RASGRF1: variants seen among roughly 807,000 people sequenced by gnomAD.
RASGRF1 encodes ras-specific guanine nucleotide-releasing factor 1.
In RASGRF1, 40 loss-of-function variants were observed where a neutral mutation model predicts 138.7. That is an observed-to-expected ratio of 0.29 (90% confidence interval 0.22 to 0.38). RASGRF1 has a LOEUF of 0.38. Ranked by LOEUF, RASGRF1 falls within the 10% of genes least tolerant of loss-of-function variation. RASGRF1 has a pLI of 1.00. For missense variants in RASGRF1, 1,108 were observed against 1,650.4 expected, an observed-to-expected ratio of 0.67 and a Z score of 5.69; for synonymous variants, 614 against 663.2, an observed-to-expected ratio of 0.93 and a Z score of 1.14.
At chr15:79,070,051 G>C (rs1322397801) in intron 1 of RASGRF1, among the ~76,000 whole-genome samples, 1 of 152,204 alleles carries the variant, frequency 6.6e-6, no homozygotes, top group Admixed American at 6.5e-5. Context: ...GAGGTCCATG[G>C]ATGGTGGCAG....
At chr15:79,031,971 C>A (rs2057145542) in intron 7 of RASGRF1, 152 bp downstream of exon 7, 3 of 970,562 alleles carry the variant, frequency 3.1e-6, no homozygotes, top group Non-Finnish European at 4.5e-6. Flanking sequence ...GCCCTGCACC[C>A]AGCATTGTCG....
intron 13 of RASGRF1, chr15:79,012,558 A>C: frequency 1.2e-6 from 2 of 1,614,052 alleles, no homozygotes; most frequent in Non-Finnish European, 1.7e-6. Flanking sequence ...TAGATTGGTA[A>C]GCAGATGGGT....
intron 2 of RASGRF1, among the ~76,000 whole-genome samples, chr15:79,062,528 T>C (rs1370301239): frequency 6.6e-6 from 1 of 152,000 alleles, no homozygotes; most frequent in Non-Finnish European, 1.5e-5. Flanking sequence ...CTTTCTGTCT[T>C]TTATTTTTAT....
At chr15:79,016,671 T>C (rs1337262823) in intron 12 of RASGRF1, among the ~76,000 whole-genome samples, 4 of 152,138 alleles carry the variant, frequency 2.6e-5, no homozygotes, top group African/African-American at 9.7e-5. Flanking sequence ...TTTGAAGACA[T>C]GTGGGAAGAC....
intron 1 of RASGRF1, among the ~76,000 whole-genome samples, chr15:79,064,927 G>A (rs775620334): frequency 1.3e-5 from 2 of 152,186 alleles, no homozygotes; most frequent in Non-Finnish European, 2.9e-5. Context: ...TGGAATAAGT[G>A]CCCTTCTAGG....
intron 24 of RASGRF1, among the ~76,000 whole-genome samples, chr15:78,975,366 A>AAT (rs779312041): frequency 4.5e-4 from 67 of 150,428 alleles, no homozygotes; most frequent in Middle Eastern, 6.9e-3. Flanking sequence ...TGTAGTTTCA[A>AAT]ATATATATAT....
chr15:78,963,176 A>T (rs1399082084), intron 26 of RASGRF1, among the ~76,000 whole-genome samples: 1 of 152,192 alleles, frequency 6.6e-6, no homozygotes. Context: ...GAGAGATCTG[A>T]GCTCTAACCT....
At position 79,001,659 on chromosome 15, in the gene RASGRF1, T is replaced by C. The variant is rs2056529471; in HGVS notation, c.2575+3A>G. 6.2e-7 allele frequency: 1 copy of C among 1,613,398 alleles called. No homozygotes were observed. Among genetic ancestry groups the C allele is most frequent in the Non-Finnish European group, 8.5e-7 (1 of 1,179,434 alleles). On this transcript the variant is annotated splice_donor_region_variant and intron_variant, in intron 16 of 26. Transcript: ENST00000558480. ...TTTGTGGTTTTGAATTGGTGCATTGTACCTGAAGAATTTTTGTTTTTGACT... is the reference window on the plus strand; with the variant it reads ...TTTGTGGTTTTGAATTGGTGCATTGCACCTGAAGAATTTTTGTTTTTGACT...
chr15:78,972,399 GT>G (rs1288797903), intron 25 of RASGRF1, among the ~76,000 whole-genome samples: 2 of 149,190 alleles, frequency 1.3e-5, no homozygotes, highest in East Asian at 2.0e-4. Flanking sequence ...CCGGCCTCAT[GT>G]TTTTTTTCTT....
chr15:79,079,178 G>A (rs189104478), intron 1 of RASGRF1, among the ~76,000 whole-genome samples: 127 of 152,318 alleles, frequency 8.3e-4, no homozygotes, highest in Admixed American at 8.2e-3. Flanking sequence ...CAGATGAAAC[G>A]GGTCCTGGTG....
chr15:79,011,776 G>A (rs955329371), intron 13 of RASGRF1, among the ~76,000 whole-genome samples: 13 of 152,340 alleles, frequency 8.5e-5, no homozygotes, highest in African/African-American at 2.2e-4. Flanking sequence ...TGCAGGCAGT[G>A]TGGTCCTCCC....
At chr15:78,968,070 T>C (rs1490448676) in intron 26 of RASGRF1, among the ~76,000 whole-genome samples, 2 of 144,272 alleles carry the variant, frequency 1.4e-5, no homozygotes, top group African/African-American at 5.0e-5. Context: ...TAGTCTTATT[T>C]TATTATTTTT....
rs1453040721 is a variant in RASGRF1, at chr15:79,027,546, A to T, written c.1381+195T>A. On this transcript the variant is annotated intron_variant, in intron 9 of 26. Transcript: ENST00000558480. This position sits in a 1 kb window ranked among gnomAD's most constrained non-coding sequence, Gnocchi z 4.8. ...AACTGTGAAAACCAATAATATCTGC[A>T]TCTATATGTATAGATACTGACATCT... 6.6e-6 allele frequency among the ~76,000 whole-genome samples: 1 copy of T among 152,250 alleles called. No homozygotes were observed. The highest frequency in any genetic ancestry group is 1.9e-4 in the East Asian group (1 of 5,202).
intron 24 of RASGRF1, among the ~76,000 whole-genome samples, chr15:78,974,792 A>C (rs28774671): frequency 6.6e-6 from 1 of 152,098 alleles, no homozygotes; most frequent in African/African-American, 2.4e-5. Context: ...CAGAATTCAA[A>C]AACATTATTT....
chr15:79,078,848 A>G (rs2057875554), intron 1 of RASGRF1, among the ~76,000 whole-genome samples: 1 of 152,200 alleles, frequency 6.6e-6, no homozygotes, highest in African/African-American at 2.4e-5. Flanking sequence ...GACATACGTC[A>G]CTCTGGGCCC....
At chr15:79,003,033 C>T (rs763211957) in intron 15 of RASGRF1, among the ~76,000 whole-genome samples, 1 of 152,328 alleles carries the variant, frequency 6.6e-6, no homozygotes, top group African/African-American at 2.4e-5. Flanking sequence ...CCAGACCTGA[C>T]ACTTTTAGAA....
intron 1 of RASGRF1, among the ~76,000 whole-genome samples, chr15:79,085,300 G>T (rs534745878): frequency 3.3e-5 from 5 of 152,204 alleles, no homozygotes; most frequent in Admixed American, 1.3e-4. Context: ...GATAGGAAAG[G>T]GGAGGCACAT....
intron 15 of RASGRF1, among the ~76,000 whole-genome samples, chr15:79,003,517 A>G (rs1052228140): frequency 2.0e-5 from 3 of 152,246 alleles, no homozygotes; most frequent in African/African-American, 7.2e-5. Flanking sequence ...GTCAGGGCAG[A>G]GGGATGCCTA....
rs375246760 is a variant in RASGRF1, at chr15:78,967,529, A to G, written c.3681+4337T>C. On this transcript the variant is annotated intron_variant, in intron 26 of 26. Transcript: ENST00000558480. The stretch of plus-strand genomic sequence containing the variant: ...ACACTATAGCACTCCAGCCTGGGTG[A>G]CAGGGTGAGATCCTGTTTCAAAAAA... 2.0e-5 allele frequency among the ~76,000 whole-genome samples: 3 copies of G among 152,270 alleles called. No homozygotes were observed. The East Asian group carries it at 5.8e-4, about 29-fold the overall frequency.
Sources: gnomAD v4.1 joint callset for allele counts (sites outside exome capture counted in the v4.1 genomes callset) on GRCh38, gnomAD v4.1.1 for gene constraint, Gnocchi (gnomAD v3.1) non-coding constraint, MANE v1.5 for transcripts, NCBI Gene and HGNC (gene_info 2026-07-23, HGNC 2026-07-21) for gene names.